PLEKHA7: variants seen among roughly 807,000 people sequenced by gnomAD.
PLEKHA7 encodes pleckstrin homology domain-containing family A member 7.
PLEKHA7 carries 104 observed loss-of-function variants against 170.0 expected under a neutral mutation model. The ratio of observed to expected loss-of-function variants is 0.61; its 90% CI spans 0.52 to 0.72. The LOEUF (loss-of-function observed/expected upper bound fraction) is 0.72. PLEKHA7 is among the 30% of genes least tolerant of loss of function. PLEKHA7 has a pLI of 0.00. For synonymous variants in PLEKHA7, 648 were observed against 660.8 expected (o/e 0.98, Z 0.30); for missense variants, 1,615 against 1,671.7 (o/e 0.97, Z 0.59).
chr11:16,816,901 T>G lies in PLEKHA7; in HGVS notation c.1765A>C (p.Thr589Pro), dbSNP rs751060152. Residue 589 changes from threonine (T) to proline (P), a missense_variant, in exon 11 of 27, where the codon ACA becomes CCA. Coordinates refer to ENST00000531066, the MANE Select transcript of PLEKHA7 (RefSeq NM_001329630.2). ...PRVFPPRRPHTPAERVTVKPP... is the reference protein window; with the variant it reads ...PRVFPPRRPHPPAERVTVKPP... ...TTCACTGTGACTCGCTCTGCTGGTGTGTGTGGCCGCCGGGGTGGGAAGACC... is the reference window on the plus strand; with the variant it reads ...TTCACTGTGACTCGCTCTGCTGGTGGGTGTGGCCGCCGGGGTGGGAAGACC... 1 of 1,613,956 alleles carries G rather than the reference T, an allele frequency of 6.2e-7. No individual in the cohort carries two copies. Among genetic ancestry groups the G allele is most frequent in the South Asian group, 1.1e-5 (1 of 91,064 alleles).
chr11:16,816,052 C>T (rs1398196805), intron 12 of PLEKHA7, 126 bp downstream of exon 12: 1 of 774,102 alleles, frequency 1.3e-6, no homozygotes, highest in African/African-American at 1.7e-5. Context: ...CTTCTCTGAG[C>T]CTCAGTTTCC....
intron 3 of PLEKHA7, among the ~76,000 whole-genome samples, chr11:16,994,407 T>G (rs7937479): frequency 6.6e-6 from 1 of 151,914 alleles, no homozygotes; most frequent in African/African-American, 2.4e-5. Flanking sequence ...TGCCAGGCAG[T>G]AGTGGGGGCC....
chr11:16,847,489 G>A (rs1852537176), intron 8 of PLEKHA7, among the ~76,000 whole-genome samples: 1 of 152,138 alleles, frequency 6.6e-6, no homozygotes, highest in Non-Finnish European at 1.5e-5. Context: ...AGACAGGAGT[G>A]GCTAAAAATG....
chr11:16,808,986 A>G (rs907339511), intron 13 of PLEKHA7, among the ~76,000 whole-genome samples: 6 of 152,200 alleles, frequency 3.9e-5, no homozygotes, highest in Non-Finnish European at 8.8e-5. Flanking sequence ...CTGGTTATAA[A>G]AAAGGGATAA....
rs557208387 is a variant in PLEKHA7, at chr11:16,894,985, C to A, written c.222-23803G>T. The stretch of plus-strand genomic sequence containing the variant: ...TTTTACAGATGAAGAAACTGAGGAT[C>A]AGAAAAATTAAGGGATTTATATAAG... On this transcript the variant is annotated intron_variant, in intron 3 of 26. Coordinates refer to ENST00000531066, the MANE Select transcript of PLEKHA7 (RefSeq NM_001329630.2). Among the ~76,000 whole-genome samples, 27 of 152,188 alleles carry A rather than the reference C, an allele frequency of 1.8e-4. 1 individual carries two copies. The South Asian group carries it at 5.4e-3, about 30-fold the overall frequency.
chr11:16,927,208 G>A (rs1315477985), intron 3 of PLEKHA7, among the ~76,000 whole-genome samples: 2 of 151,956 alleles, frequency 1.3e-5, no homozygotes, highest in East Asian at 3.9e-4. Context: ...ATGAGAGGTT[G>A]GATTAGGACA....
At chr11:17,014,257 C>G (rs1477619309) in intron 1 of PLEKHA7, 56 bp from the exon 2 acceptor site, 21 of 1,391,006 alleles carry the variant, frequency 1.5e-5, no homozygotes, top group Non-Finnish European at 1.9e-5. Context: ...GGTGCCCGCC[C>G]GGCCCCCGCC....
At chr11:16,972,352 G>A (rs1862772836) in intron 3 of PLEKHA7, among the ~76,000 whole-genome samples, 1 of 152,000 alleles carries the variant, frequency 6.6e-6, no homozygotes, top group African/African-American at 2.4e-5. Flanking sequence ...AAACTCCTGG[G>A]CTGAAGCAAT....
At chr11:16,877,994 T>C (rs1490457519) in intron 3 of PLEKHA7, among the ~76,000 whole-genome samples, 2 of 152,212 alleles carry the variant, frequency 1.3e-5, no homozygotes, top group Non-Finnish European at 2.9e-5. Context: ...CTAACAGGCA[T>C]CTACATTTTA....
intron 3 of PLEKHA7, among the ~76,000 whole-genome samples, chr11:16,952,034 T>C (rs926130635): frequency 1.3e-5 from 2 of 152,252 alleles, no homozygotes; most frequent in African/African-American, 4.8e-5. Context: ...TGAGTGCTAA[T>C]GCACTATATC....
intron 3 of PLEKHA7, among the ~76,000 whole-genome samples, chr11:17,013,662 G>A (rs1027359873): frequency 2.6e-4 from 40 of 152,354 alleles, no homozygotes; most frequent in African/African-American, 9.4e-4. Flanking sequence ...CTCTCCCGGC[G>A]GGGCGCAGCC....
At position 16,819,367 on chromosome 11, in the gene PLEKHA7, G is replaced by A. The variant is rs565923739; in HGVS notation, c.1344-2045C>T. 1.2e-3 allele frequency among the ~76,000 whole-genome samples: 182 copies of A among 152,284 alleles called. 7 individuals carry two copies. In the South Asian group the frequency reaches 0.036, roughly 31 times the overall value. ...CCCCCCTCAGCCTACCAAAGTGCTG[G>A]GATTACAGGCATGAGCCACCGCACC... On this transcript the variant is annotated intron_variant, in intron 10 of 26. Transcript: ENST00000531066.
intron 6 of PLEKHA7, among the ~76,000 whole-genome samples, chr11:16,853,590 G>A (rs11601276): frequency 6.6e-6 from 1 of 152,214 alleles, no homozygotes; most frequent in Non-Finnish European, 1.5e-5. Context: ...GCCTGGCCTA[G>A]GTGCTGGGAA....
chr11:16,816,325 G>A, intron 11 of PLEKHA7, 61 bp from the exon 12 acceptor site: 2 of 1,270,966 alleles, frequency 1.6e-6, no homozygotes, highest in Non-Finnish European at 1.1e-6. Flanking sequence ...CACTCCCAGG[G>A]AAGCCGCCCC....
At position 16,791,128 on chromosome 11, in the gene PLEKHA7, C is replaced by T. The variant is rs201781980; in HGVS notation, c.2817G>A (p.Pro939=). 71 of 1,613,956 alleles carry T rather than the reference C, an allele frequency of 4.4e-5. 1 individual carries two copies. The Admixed American group carries it at 9.0e-4, about 20-fold the overall frequency. ...YSPEDQPPAV[P]PLPREATIIR... ...TGATGGTGGCCTCTCTTGGCAGAGG[C>T]GGCACAGCCGGGGGCTGGTCCTCTG... Residue 939 remains proline (P), a synonymous_variant, in exon 20 of 27, where the codon CCG becomes CCA. Transcript: ENST00000531066. This position sits in a 1 kb window ranked among gnomAD's most constrained non-coding sequence, Gnocchi z 4.5.
intron 24 of PLEKHA7, among the ~76,000 whole-genome samples, chr11:16,785,614 T>TTGGGTAGAGACATTTCCTGA (rs1849343392): frequency 6.6e-6 from 1 of 152,136 alleles, no homozygotes; most frequent in Non-Finnish European, 1.5e-5. Flanking sequence ...TTCTCTCCCC[T>TTGGGTAGAGACATTTCCTGA]TGGGTAGAGA....
At chr11:16,823,667 T>A (rs1014996033) in intron 10 of PLEKHA7, among the ~76,000 whole-genome samples, 2 of 152,138 alleles carry the variant, frequency 1.3e-5, no homozygotes, top group Non-Finnish European at 2.9e-5. Flanking sequence ...GAATGCTAAC[T>A]CCAACTCCAC....
At chr11:16,837,613 A>G (rs1333399851) in intron 9 of PLEKHA7, among the ~76,000 whole-genome samples, 1 of 152,226 alleles carries the variant, frequency 6.6e-6, no homozygotes, top group East Asian at 1.9e-4. Flanking sequence ...AGTAAAGTCT[A>G]GAAGGAGCTG....
intron 21 of PLEKHA7, chr11:16,790,447 A>AAAT (rs1201039787): frequency 9.1e-6 from 2 of 220,136 alleles, no homozygotes; most frequent in African/African-American, 4.6e-5. Flanking sequence ...CAAGTTATTT[A>AAAT]ATTTCTCTGG....
Sources: allele counts gnomAD v4.1 joint callset (sites outside exome capture counted in the v4.1 genomes callset), GRCh38; gene constraint gnomAD v4.1.1; non-coding constraint Gnocchi (gnomAD v3.1); transcripts MANE v1.5; gene names NCBI Gene and HGNC (gene_info 2026-07-23, HGNC 2026-07-21).